Variants in ANKFN1 observed in about 807,000 individuals in gnomAD.
ANKFN1 encodes the protein ankyrin repeat and fibronectin type III domain containing 1, also known as ankyrin repeat and fibronectin type-III domain-containing protein 1.
In ANKFN1, 74 loss-of-function variants were observed where a neutral mutation model predicts 108.7. The ratio of observed to expected loss-of-function variants is 0.68; its 90% CI spans 0.56 to 0.83. The LOEUF (loss-of-function observed/expected upper bound fraction) is 0.83. Among genes scored for constraint, ANKFN1 ranks in the 40% least tolerant of loss-of-function variants. The pLI is 0.00. For missense variants in ANKFN1, 1,505 were observed against 1,382.3 expected (o/e 1.09, Z -1.41); for synonymous variants, 547 against 516.2 (o/e 1.06, Z -0.81).
intron 8 of ANKFN1, among the ~76,000 whole-genome samples, chr17:56,378,920 T>C (rs1222370427): frequency 6.6e-6 from 1 of 152,190 alleles, no homozygotes; most frequent in African/African-American, 2.4e-5. Context: ...CTACTTTCAT[T>C]CACTAGTTGC....
At chr17:56,059,108 C>A (rs1272170222) in intron 4 of ANKFN1, among the ~76,000 whole-genome samples, 1 of 152,188 alleles carries the variant, frequency 6.6e-6, no homozygotes, top group Non-Finnish European at 1.5e-5. Flanking sequence ...TGGTTCTTGA[C>A]TTTTTAATAA....
At chr17:56,499,166 G>A (rs1425914066) in intron 20 of ANKFN1, 68 bp downstream of exon 20, 4 of 1,415,112 alleles carry the variant, frequency 2.8e-6, no homozygotes, top group East Asian at 2.5e-5. Flanking sequence ...CACTGATGAG[G>A]ACTTTTATGC....
chr17:56,263,421 C>T (rs2043571580), intron 3 of ANKFN1, among the ~76,000 whole-genome samples: 1 of 152,162 alleles, frequency 6.6e-6, no homozygotes, highest in South Asian at 2.1e-4. Flanking sequence ...TTTTGACAGA[C>T]CATTAACACC....
intron 10 of ANKFN1, among the ~76,000 whole-genome samples, chr17:56,448,328 G>A (rs964948219): frequency 6.6e-6 from 1 of 151,774 alleles, no homozygotes; most frequent in Non-Finnish European, 1.5e-5. Context: ...TTACAATCTT[G>A]ACATTAGTCC....
chr17:56,341,307 G>C (rs2045952097), intron 4 of ANKFN1, among the ~76,000 whole-genome samples: 1 of 151,992 alleles, frequency 6.6e-6, no homozygotes, highest in Non-Finnish European at 1.5e-5. Flanking sequence ...TCTTTCTGTT[G>C]CCTGATTGCC....
intron 1 of ANKFN1, among the ~76,000 whole-genome samples, chr17:56,209,877 C>T (rs1466286424): frequency 1.3e-5 from 2 of 152,092 alleles, no homozygotes; most frequent in African/African-American, 2.4e-5. Flanking sequence ...GCCTCGTGTC[C>T]TCATAGCTTA....
In ANKFN1 at chr17:56,515,692, A is replaced by G. The variant is rs2051897324; in HGVS notation, c.*4423A>G. 6.6e-6 allele frequency among the ~76,000 whole-genome samples: 1 copy of G among 152,216 alleles called. No homozygotes were observed. Among genetic ancestry groups the G allele is most frequent in the Non-Finnish European group, 1.5e-5 (1 of 68,034 alleles). ...GGTGTTGAACTTTGCCATTAGCAAA[A>G]AGTATTTTTAGAAAAATCCATTGAC... is the stretch of plus-strand genomic sequence containing the variant. On this transcript the variant is annotated 3_prime_UTR_variant, in exon 21 of 21. Transcript: ENST00000682825.
chr17:56,274,128 G>A (rs1205461730), intron 3 of ANKFN1, among the ~76,000 whole-genome samples: 2 of 152,182 alleles, frequency 1.3e-5, no homozygotes, highest in East Asian at 1.9e-4. Context: ...TGGGAACTGG[G>A]AATGGGGTAG....
rs1303407294 is a variant in ANKFN1 at position 56,191,352 on chromosome 17, C to T, written c.-70-21246C>T. On this transcript the variant is annotated intron_variant, in intron 1 of 20. Transcript: ENST00000682825. ...GGCATGATTTTGCAGTGGCTGGTAC[C>T]GGTTGTTCCTTTCCATGTTTAGCGC... Among the ~76,000 whole-genome samples, 2 of 54,740 alleles carry T rather than the reference C, an allele frequency of 3.7e-5. 1 individual carries two copies. The highest frequency in any genetic ancestry group is 5.7e-5 in the Non-Finnish European group (2 of 34,920). The allele number at this position is 54,740 out of a possible 152,430, so 35.9% of individuals were successfully genotyped here.
At chr17:56,276,528 T>C (rs1352672865) in intron 3 of ANKFN1, among the ~76,000 whole-genome samples, 1 of 152,198 alleles carries the variant, frequency 6.6e-6, no homozygotes, top group African/African-American at 2.4e-5. Flanking sequence ...TTCCTGACTT[T>C]TTAATGATCG....
At chr17:56,365,561 T>G (rs1397079172) in intron 6 of ANKFN1, among the ~76,000 whole-genome samples, 1 of 152,192 alleles carries the variant, frequency 6.6e-6, no homozygotes, top group East Asian at 1.9e-4. Flanking sequence ...GGGCAGCGCT[T>G]GAGCTATAGA....
chr17:56,516,667 A>T lies in ANKFN1; in HGVS notation c.*5398A>T, dbSNP rs1479079541. 1.3e-5 allele frequency among the ~76,000 whole-genome samples: 2 copies of T among 152,198 alleles called. No individual in the cohort carries two copies. The highest frequency in any genetic ancestry group is 2.1e-4 in the South Asian group (1 of 4,836). The stretch of plus-strand genomic sequence containing the variant: ...CTCAATCAAAAACAGCACTGGTAAA[A>T]TGTATGCCTCTTCAACCTACCAATT... On this transcript the variant is annotated 3_prime_UTR_variant, in exon 21 of 21. Coordinates refer to ENST00000682825, the MANE Select transcript of ANKFN1 (RefSeq NM_001370326.1).
At chr17:56,374,331 TCTC>T (rs1251473907) in intron 7 of ANKFN1, among the ~76,000 whole-genome samples, 3 of 152,186 alleles carry the variant, frequency 2.0e-5, no homozygotes, top group Non-Finnish European at 4.4e-5. Flanking sequence ...TCCAGCCCAA[TCTC>T]CTATCGTGTT....
chr17:56,053,862 A>AT (rs1222520731), intron 4 of ANKFN1, among the ~76,000 whole-genome samples: 4 of 152,272 alleles, frequency 2.6e-5, no homozygotes, highest in Admixed American at 2.6e-4. Flanking sequence ...GAAAAAAGGT[A>AT]TTTTTTAAAA....
chr17:56,369,426 A>T (rs1276670638), intron 6 of ANKFN1, among the ~76,000 whole-genome samples: 1 of 141,722 alleles, frequency 7.1e-6, no homozygotes, highest in African/African-American at 2.5e-5. Context: ...TCTCAATTGT[A>T]AAAAAAAAAT....
At chr17:56,281,392 C>T (rs146951484) in intron 3 of ANKFN1, among the ~76,000 whole-genome samples, 1,762 of 152,150 alleles carry the variant, frequency 0.012, 16 homozygotes, top group South Asian at 0.035. Flanking sequence ...CTATCTCATA[C>T]AAAAATTAAT....
At chr17:56,218,183 T>C (rs1915566305) in intron 2 of ANKFN1, among the ~76,000 whole-genome samples, 1 of 146,084 alleles carries the variant, frequency 6.8e-6, no homozygotes, top group Non-Finnish European at 1.5e-5. Context: ...CCTTAGCCCC[T>C]TCTCTCTCTC....
intron 3 of ANKFN1, among the ~76,000 whole-genome samples, chr17:56,244,205 A>G (rs896260277): frequency 6.6e-6 from 1 of 152,150 alleles, no homozygotes; most frequent in Non-Finnish European, 1.5e-5. Context: ...AAAAATATGT[A>G]TCAACATGTA....
At chr17:56,361,049 CT>C (rs1184959185) in intron 6 of ANKFN1, among the ~76,000 whole-genome samples, 1 of 152,064 alleles carries the variant, frequency 6.6e-6, no homozygotes, top group Non-Finnish European at 1.5e-5. Flanking sequence ...GTGTGTTTGA[CT>C]TTTTAAATTT....
Sources: gnomAD v4.1 joint callset for allele counts (sites outside exome capture counted in the v4.1 genomes callset) on GRCh38, gnomAD v4.1.1 for gene constraint, MANE v1.5 for transcripts, NCBI Gene and HGNC (gene_info 2026-07-23, HGNC 2026-07-21) for gene names.